The following PLXND1 variants were observed in gnomAD, a reference collection of about 807,000 sequenced individuals.
PLXND1 encodes the protein plexin-D1.
A neutral mutation model predicts 197.7 loss-of-function variants in PLXND1; 54 were observed. That is an observed-to-expected ratio of 0.27 (90% CI 0.22 to 0.34). PLXND1 has a LOEUF of 0.34. PLXND1 is among the 10% of genes least tolerant of loss of function. The pLI is 1.00. For synonymous variants in PLXND1, 1,180 were observed against 1,161.2 expected, an observed-to-expected ratio of 1.02 and a Z score of -0.33; for missense variants, 2,127 against 2,699.2, an observed-to-expected ratio of 0.79 and a Z score of 4.70.
intron 24 of PLXND1, 33 bp downstream of exon 24, chr3:129,565,854 T>A (rs1212179182): frequency 1.2e-6 from 2 of 1,610,524 alleles, no homozygotes; most frequent in East Asian, 4.5e-5. Context: ...AGGCTCCTCT[T>A]CCCTACCCCA....
At chr3:129,559,455 CTG>C in intron 32 of PLXND1, 163 bp downstream of exon 32, 1 of 594,442 alleles carries the variant, frequency 1.7e-6, no homozygotes, top group Non-Finnish European at 3.0e-6. Context: ...GGAGGGGAAA[CTG>C]AAGCACAGAG....
intron 1 of PLXND1, among the ~76,000 whole-genome samples, chr3:129,594,111 C>T (rs1407924608): frequency 1.9e-4 from 29 of 152,192 alleles, no homozygotes; most frequent in Admixed American, 1.8e-3. Flanking sequence ...TAACAGTGGG[C>T]GCTGCGGCAG....
chr3:129,584,275 G>A, intron 6 of PLXND1, 42 bp from the exon 7 acceptor site: 1 of 1,579,232 alleles, frequency 6.3e-7, no homozygotes, highest in Non-Finnish European at 8.7e-7. Context: ...TGGGGGCAGG[G>A]GATTGCCACC....
In PLXND1 at chr3:129,571,692, C is replaced by G. The variant is rs764196524; in HGVS notation, c.3230G>C (p.Arg1077Pro). ...QNPVITAISP[R>P]RSPVSGGRTI... ...CCAGTCTCACCTGACAGGGCTGCGG[C>G]GGGGACTGATGGCCGTGATGACCGG... The change falls in exon 16 of 36, where the codon CGC becomes CCC. Residue 1077 changes from arginine (R) to proline (P), a missense_variant. Coordinates refer to ENST00000324093, the MANE Select transcript of PLXND1 (RefSeq NM_015103.3). 2 of 1,613,764 alleles carry G rather than the reference C, an allele frequency of 1.2e-6. No homozygotes were observed. The highest frequency in any genetic ancestry group is 1.3e-5 in the African/African-American group (1 of 74,920).
chr3:129,561,113 G>A (rs2085052945), intron 29 of PLXND1: 1 of 473,020 alleles, frequency 2.1e-6, no homozygotes, highest in South Asian at 1.5e-5. Context: ...GGGGGAGGAG[G>A]GGCCCCAGGC....
chr3:129,556,969 G>A lies in PLXND1; in HGVS notation c.5586+114C>T. ...CCAGCAAGAGGCCACAGCCACTTCT[G>A]AAATGCCCTCTGCGCTCCCTGCCCT... On this transcript the variant is annotated intron_variant, in intron 34 of 35. Coordinates refer to ENST00000324093, the MANE Select transcript of PLXND1 (RefSeq NM_015103.3). 3 of 1,195,606 alleles carry A rather than the reference G, an allele frequency of 2.5e-6. No homozygotes were observed. The South Asian group carries it at 4.3e-5, about 17-fold the overall frequency. 74.1% of individuals were successfully genotyped at this position (1,195,606 alleles called of 1,614,324 possible).
chr3:129,556,433 G>A lies in PLXND1; in HGVS notation c.5662-5C>T. On this transcript the variant is annotated splice_polypyrimidine_tract_variant and splice_region_variant and intron_variant, in intron 35 of 35. Transcript: ENST00000324093. ...GGCCTCCAGCGCGGCCATGATCTGA[G>A]GGGAGCAGCGGAGTCAGCCGGGCCA... The A allele has an allele frequency of 6.2e-7, 1 of 1,609,666 alleles. No homozygotes were observed. Among genetic ancestry groups the A allele is most frequent in the Non-Finnish European group, 8.5e-7 (1 of 1,175,954 alleles).
chr3:129,583,035 C>T (rs555507038), intron 8 of PLXND1, among the ~76,000 whole-genome samples: 50 of 152,346 alleles, frequency 3.3e-4, no homozygotes, highest in Admixed American at 7.2e-4. Context: ...AGGCAGGGCC[C>T]TTTCCACCCA....
chr3:129,604,572 C>T (rs1221828993), intron 1 of PLXND1, among the ~76,000 whole-genome samples: 2 of 152,306 alleles, frequency 1.3e-5, no homozygotes, highest in South Asian at 2.1e-4. Context: ...CTATTGTTTA[C>T]CCCAGACTCC....
rs768632982 is a variant in PLXND1, at chr3:129,571,498, G to A, written c.3336+11C>T. ...ACCCCCTCCCACCCATCAGGCCCCC[G>A]AATGCCTCACCGTGGGCTCCCGGCC... On this transcript the variant is annotated intron_variant, in intron 17 of 35. Transcript: ENST00000324093. 4.2e-5 allele frequency: 67 copies of A among 1,609,876 alleles called. No individual in the cohort carries two copies. In the Admixed American group the frequency reaches 8.8e-4, roughly 21 times the overall value.
At chr3:129,575,968 G>A (rs963613055) in intron 9 of PLXND1, 113 bp from the exon 10 acceptor site, 40 of 698,980 alleles carry the variant, frequency 5.7e-5, no homozygotes, top group Non-Finnish European at 1.0e-4. Flanking sequence ...GGGCTTGGTC[G>A]AACTGTCAGG....
rs1325523702 is a variant in PLXND1, at chr3:129,562,814, A to G, written c.4798T>C (p.Trp1600Arg). Residue 1600 changes from tryptophan to arginine, a missense_variant, in exon 27 of 36, where the codon TGG becomes CGG. Trp to Arg is a moderately radical substitution (Grantham distance 101). Around this residue, in one of 6 missense-constraint regions of PLXND1, gnomAD observed 532 missense variants for 811.0 expected, o/e 0.66. Coordinates refer to ENST00000324093, the MANE Select transcript of PLXND1 (RefSeq NM_015103.3). ...AFCKNVPYSQWPRAEDVDLEW... is the reference protein window; with the variant it reads ...AFCKNVPYSQRPRAEDVDLEW... ...AGGTCGACGTCCTCTGCACGCGGCC[A>G]CTGGGAGTAGGGCACATTCTTGCAG... The G allele has an allele frequency of 1.9e-6, 3 of 1,605,150 alleles. No individual in the cohort carries two copies. The highest frequency in any genetic ancestry group is 2.2e-5 in the South Asian group (2 of 90,872).
At position 129,571,527 on chromosome 3, in the gene PLXND1, G is replaced by A. The variant is rs1259297987; in HGVS notation, c.3318C>T (p.His1106=). The change falls in exon 17 of 36, where the codon CAC becomes CAT. Residue 1106 remains histidine (H), a synonymous_variant. Coordinates refer to ENST00000324093, the MANE Select transcript of PLXND1 (RefSeq NM_015103.3). ...GCCTCACCGTGGGCTCCCGGCCAAT[G>A]TGGTGGACGGCCATGGACACATTCT... ...MVQNVSMAVH[H]IGREPTLCKV... 1 of 1,613,452 alleles carries A rather than the reference G, an allele frequency of 6.2e-7. No homozygotes were observed. Among genetic ancestry groups the A allele is most frequent in the Non-Finnish European group, 8.5e-7 (1 of 1,179,892 alleles).
intron 7 of PLXND1, among the ~76,000 whole-genome samples, 170 bp downstream of exon 7, chr3:129,583,955 A>G (rs528997782): frequency 6.6e-6 from 1 of 152,330 alleles, no homozygotes; most frequent in African/African-American, 2.4e-5. Flanking sequence ...ATCAGGCAGT[A>G]TGCATTTATT....
intron 8 of PLXND1, among the ~76,000 whole-genome samples, chr3:129,581,453 C>A (rs1212580290): frequency 6.6e-6 from 1 of 152,214 alleles, no homozygotes; most frequent in East Asian, 1.9e-4. Flanking sequence ...GCACGAAGGT[C>A]CCCTCTCAAG....
Position 129,606,369 on chromosome 3 carries a change from C to A in PLXND1, c.271G>T (p.Ala91Ser). 1 of 1,491,702 alleles carries A rather than the reference C, an allele frequency of 6.7e-7. No individual in the cohort carries two copies. The highest frequency in any genetic ancestry group is 8.9e-7 in the Non-Finnish European group (1 of 1,129,380). The allele number at this position is 1,491,702 out of a possible 1,614,324, so 92.4% of individuals were successfully genotyped here. A position where few individuals can be genotyped will look rare whatever the true frequency, so the allele number is the denominator to read the frequency against. The change falls in exon 1 of 36, where the codon GCC becomes TCC. Residue 91 changes from alanine to serine, a missense_variant. This residue lies in a region of PLXND1 where 245 missense variants were observed against 267.1 expected (regional missense o/e 0.92). Transcript: ENST00000324093. ...GGCACCGGGCCCACGGCCGCCTCGG[C>A]CTCCAGGCTCAGGTTGGCGCCCGAC... is the stretch of plus-strand genomic sequence containing the variant. ...QLSGANLSLE[A>S]EAAVGPVPDS...
chr3:129,583,432 T>C, intron 8 of PLXND1, 135 bp downstream of exon 8: 2 of 619,274 alleles, frequency 3.2e-6, no homozygotes, highest in Non-Finnish European at 5.9e-6. Context: ...CCGTGGTATG[T>C]GATGAGCCCC....
At chr3:129,589,290 A>G in intron 2 of PLXND1, 61 bp downstream of exon 2, 1 of 908,360 alleles carries the variant, frequency 1.1e-6, no homozygotes, top group African/African-American at 1.6e-5. Context: ...TGACCCCCTC[A>G]GCCAACTCCC....
chr3:129,571,097 G>A lies in PLXND1; in HGVS notation c.3543C>T (p.Ala1181=). The stretch of plus-strand genomic sequence containing the variant: ...GGTGCTTGATCCACTTCTCCCTCTT[G>A]GCCGTAGAGAACTGTGGGTTGGGGA... ...DYLPNPQFST[A]KREKWIKHHP... The change falls in exon 18 of 36, where the codon GCC becomes GCT. Residue 1181 remains alanine (A), a synonymous_variant. Coordinates refer to ENST00000324093, the MANE Select transcript of PLXND1 (RefSeq NM_015103.3). The A allele has an allele frequency of 6.2e-7, 1 of 1,614,192 alleles. No individual in the cohort carries two copies. Among genetic ancestry groups the A allele is most frequent in the Non-Finnish European group, 8.5e-7 (1 of 1,180,018 alleles).
Sources: gnomAD v4.1 joint callset for allele counts (sites outside exome capture counted in the v4.1 genomes callset) on GRCh38, gnomAD v4.1.1 for gene constraint, gnomAD v4.1.1 regional missense constraint, MANE v1.5 for transcripts, NCBI Gene and HGNC (gene_info 2026-07-23, HGNC 2026-07-21) for gene names.